CHLSN: variants seen among roughly 807,000 people sequenced by gnomAD.
CHLSN encodes protein cholesin.
chr7:1,017,490 G>T, the CHLSN span, among the ~76,000 whole-genome samples: 2 of 152,206 alleles, frequency 1.3e-5, no homozygotes, highest in African/African-American at 4.8e-5. Flanking sequence ...GGGTGACGGG[G>T]CCAGGGCTCC....
the CHLSN span, chr7:1,045,507 C>G: frequency 6.6e-6 from 1 of 152,244 alleles, no homozygotes; most frequent in African/African-American, 2.4e-5. Context: ...GCTTTAAAGG[C>G]CTCTGCAAAC....
At chr7:1,052,423 C>T in the CHLSN span, among the ~76,000 whole-genome samples, 686 of 151,146 alleles carry the variant, frequency 4.5e-3, 12 homozygotes, top group South Asian at 7.2e-3. The surrounding 1 kb of genome is among the most constrained non-coding windows in gnomAD (Gnocchi z 4.2). Context: ...CTTGAGGAGT[C>T]GTGGGGGAGG....
At chr7:1,111,729 G>T in the CHLSN span, among the ~76,000 whole-genome samples, 1 of 152,174 alleles carries the variant, frequency 6.6e-6, no homozygotes, top group South Asian at 2.1e-4. Context: ...TTGAGCCAGG[G>T]AGGTTGAGGC....
At chr7:1,136,379 AATAT>A in the CHLSN span, among the ~76,000 whole-genome samples, 29 of 100,216 alleles carry the variant, frequency 2.9e-4, 1 homozygote, top group East Asian at 7.9e-3. Context: ...AATATATATA[AATAT>A]ATAAACATAT....
At chr7:981,629 G>C in the CHLSN span, among the ~76,000 whole-genome samples, 4 of 151,934 alleles carry the variant, frequency 2.6e-5, no homozygotes, top group Non-Finnish European at 5.9e-5. Context: ...CAGGAGAATC[G>C]CTCCAACCCG....
the CHLSN span, among the ~76,000 whole-genome samples, chr7:1,044,927 G>A: frequency 6.6e-6 from 1 of 152,246 alleles, no homozygotes; most frequent in Non-Finnish European, 1.5e-5. Flanking sequence ...TGGCGTAGGC[G>A]GCACAGCGCC....
At chr7:995,241 A>G in the CHLSN span, among the ~76,000 whole-genome samples, 1 of 152,170 alleles carries the variant, frequency 6.6e-6, no homozygotes, top group Non-Finnish European at 1.5e-5. Context: ...TGGTTCTCTG[A>G]GCCACATTCC....
At chr7:1,019,193 C>CA in the CHLSN span, among the ~76,000 whole-genome samples, 3,118 of 34,990 alleles carry the variant, frequency 0.089, 359 homozygotes, top group Non-Finnish European at 0.11. Context: ...GACTCTGTCT[C>CA]AAAAAAAAAA....
chr7:1,103,700 G>A, the CHLSN span, among the ~76,000 whole-genome samples: 1 of 152,272 alleles, frequency 6.6e-6, no homozygotes, highest in South Asian at 2.1e-4. Flanking sequence ...AACCAACAGC[G>A]ACGTCCCCAC....
chr7:1,123,498 C>T, the CHLSN span, among the ~76,000 whole-genome samples: 2 of 152,154 alleles, frequency 1.3e-5, no homozygotes, highest in African/African-American at 4.8e-5. The surrounding 1 kb of genome is among the most constrained non-coding windows in gnomAD (Gnocchi z 4.4). Flanking sequence ...CAGCGCAGTA[C>T]TTTTCCACAC....
chr7:1,121,343 CCA>C, the CHLSN span, among the ~76,000 whole-genome samples: 1 of 152,158 alleles, frequency 6.6e-6, no homozygotes, highest in East Asian at 1.9e-4. Context: ...CAGGGAGCCT[CCA>C]CAGACACCAG....
the CHLSN span, among the ~76,000 whole-genome samples, chr7:1,029,710 C>T: frequency 1.1e-4 from 16 of 149,654 alleles, no homozygotes; most frequent in African/African-American, 2.4e-5. Context: ...GCTCTGGTCG[C>T]GGGGCCCTGC....
At chr7:1,057,089 T>C in the CHLSN span, among the ~76,000 whole-genome samples, 2 of 152,030 alleles carry the variant, frequency 1.3e-5, no homozygotes, top group African/African-American at 4.8e-5. Context: ...CCGTCCACAT[T>C]GCCTGTCCCT....
chr7:1,010,483 G>A, the CHLSN span, among the ~76,000 whole-genome samples: 113 of 152,324 alleles, frequency 7.4e-4, 2 homozygotes, highest in East Asian at 0.016. Context: ...GGGAAGATCC[G>A]GGCCGGCCCC....
At chr7:1,013,984 C>T in the CHLSN span, among the ~76,000 whole-genome samples, 22 of 152,380 alleles carry the variant, frequency 1.4e-4, no homozygotes, top group East Asian at 4.2e-3. Context: ...CACAGATAAA[C>T]TGCGACCCCG....
At chr7:1,119,519 G>C in the CHLSN span, among the ~76,000 whole-genome samples, 3 of 152,318 alleles carry the variant, frequency 2.0e-5, no homozygotes, top group African/African-American at 7.2e-5. Flanking sequence ...GTACTTCCCA[G>C]ACACACTAGG....
At chr7:1,019,340 C>T in the CHLSN span, among the ~76,000 whole-genome samples, 4 of 151,938 alleles carry the variant, frequency 2.6e-5, no homozygotes, top group South Asian at 2.1e-4. Flanking sequence ...CTGACAGGTC[C>T]GTGTTGTTCA....
the CHLSN span, among the ~76,000 whole-genome samples, chr7:1,115,233 T>C: frequency 6.6e-6 from 1 of 152,254 alleles, no homozygotes; most frequent in Non-Finnish European, 1.5e-5. Context: ...TGTTTGATTT[T>C]CATCATGTCT....
At chr7:1,131,201 A>G in the CHLSN span, among the ~76,000 whole-genome samples, 2 of 151,648 alleles carry the variant, frequency 1.3e-5, no homozygotes, top group African/African-American at 2.4e-5. Context: ...TAAAAAAAAA[A>G]AAAAAAAAAA....
Sources: allele counts gnomAD v4.1 joint callset (sites outside exome capture counted in the v4.1 genomes callset), GRCh38; gene constraint gnomAD v4.1.1; non-coding constraint Gnocchi (gnomAD v3.1); transcripts MANE v1.5; gene names NCBI Gene and HGNC (gene_info 2026-07-23, HGNC 2026-07-21).